The following OPTC variants were observed in gnomAD, a reference collection of about 807,000 sequenced individuals.
The protein encoded by OPTC is oculoglycan.
OPTC carries 22 observed loss-of-function variants against 25.4 expected under a neutral mutation model. That is an observed-to-expected ratio of 0.87 (90% CI 0.62 to 1.24). The LOEUF (loss-of-function observed/expected upper bound fraction) is 1.24. Among genes scored for constraint, OPTC ranks in the 50% most tolerant of loss-of-function variants. The pLI is 0.00. For synonymous variants in OPTC, 169 were observed against 179.3 expected (o/e 0.94, Z 0.46); for missense variants, 417 against 425.2 (o/e 0.98, Z 0.17).
intron 5 of OPTC, among the ~76,000 whole-genome samples, chr1:203,501,532 T>A (rs77405688): frequency 0.011 from 1,676 of 152,376 alleles, 18 homozygotes; most frequent in Non-Finnish European, 0.017. Context: ...TTCGCCCATG[T>A]GCTCTCTCTC....
rs1661430756 is a variant in OPTC, at chr1:203,503,723, C to T, written c.*3C>T. ...TCCCCATCGGCCGCTTCACGTAGCT[C>T]GGAGCCCTTCCACTCCTCCCAGGTA... On this transcript the variant is annotated 3_prime_UTR_variant, in exon 7 of 8. Coordinates refer to ENST00000367222, the MANE Select transcript of OPTC (RefSeq NM_014359.4). The T allele has an allele frequency of 5.0e-6, 8 of 1,603,476 alleles. No homozygotes were observed. Among genetic ancestry groups the T allele is most frequent in the East Asian group, 2.2e-5 (1 of 44,882 alleles).
rs1003777957 is a variant in OPTC at position 203,503,145 on chromosome 1, G to A, written c.828+136G>A. The A allele has an allele frequency of 1.5e-5, 11 of 725,508 alleles. No homozygotes were observed. The African/African-American group carries it at 1.6e-4, about 10-fold the overall frequency. The allele number at this position is 725,508 out of a possible 1,614,324, so 44.9% of individuals were successfully genotyped here. A position where few individuals can be genotyped will look rare whatever the true frequency, so the allele number is the denominator to read the frequency against. ...CTCCTTGATTGGAGGGTTTATTGGA[G>A]ACAAGGATTGGGAGGTCTTGTCTAA... On this transcript the variant is annotated intron_variant, in intron 6 of 7. Transcript: ENST00000367222.
At chr1:203,499,315 C>G (rs1661336130) in intron 4 of OPTC, among the ~76,000 whole-genome samples, 1 of 152,086 alleles carries the variant, frequency 6.6e-6, no homozygotes, top group African/African-American at 2.4e-5. Context: ...CCTCAGTGCC[C>G]TTTTGTTTAG....
intron 7 of OPTC, among the ~76,000 whole-genome samples, chr1:203,507,845 T>C (rs1204679226): frequency 6.6e-6 from 1 of 152,096 alleles, no homozygotes; most frequent in Non-Finnish European, 1.5e-5. Context: ...TGGAGCTAAG[T>C]CTGTTTTAGG....
intron 6 of OPTC, among the ~76,000 whole-genome samples, 170 bp from the exon 7 acceptor site, chr1:203,503,380 C>A (rs1661422736): frequency 6.6e-6 from 1 of 152,110 alleles, no homozygotes. Context: ...ATCCATCCCC[C>A]CTGGGGCTCC....
Position 203,503,590 on chromosome 1 carries a change from A to AC in OPTC, c.873dup (p.Glu292ArgfsTer104). ...ACCATGCAGAGAGACGTCTTCTGTGACCCCGAGGAGCACAAACACACCCGC... is the reference window on the plus strand; with the variant it reads ...ACCATGCAGAGAGACGTCTTCTGTGACCCCCGAGGAGCACAAACACACCCGC... On this transcript the variant is annotated frameshift_variant, in exon 7 of 8. Coordinates refer to ENST00000367222, the MANE Select transcript of OPTC (RefSeq NM_014359.4). LOFTEE classifies it high-confidence loss of function. 1.2e-6 allele frequency: 2 copies of AC among 1,613,422 alleles called. No homozygotes were observed. Among genetic ancestry groups the AC allele is most frequent in the Admixed American group, 3.3e-5 (2 of 59,986 alleles).
In OPTC at chr1:203,499,773, G is replaced by C; in HGVS notation, c.654G>C (p.Val218=). The C allele has an allele frequency of 6.2e-7, 1 of 1,612,818 alleles. No individual in the cohort carries two copies. The highest frequency in any genetic ancestry group is 1.1e-5 in the South Asian group (1 of 91,070). ...AGAACCAGTTGGAAGCTCTGCCCGT[G>C]CTGCCCAGTGGCATTGAGTTCCTGG... The part of the protein sequence containing the change: ...LPENQLEALP[V]LPSGIEFLDV... The change falls in exon 5 of 8, where the codon GTG becomes GTC. Residue 218 remains valine, a synonymous_variant. Coordinates refer to ENST00000367222, the MANE Select transcript of OPTC (RefSeq NM_014359.4).
intron 3 of OPTC, 32 bp from the exon 4 acceptor site, chr1:203,498,649 T>C: frequency 3.7e-6 from 6 of 1,613,896 alleles, no homozygotes; most frequent in Non-Finnish European, 5.1e-6. Flanking sequence ...GCTAAAGAGA[T>C]CTCCCTTTGT....
intron 7 of OPTC, among the ~76,000 whole-genome samples, chr1:203,504,562 C>T (rs1315522171): frequency 6.6e-6 from 1 of 152,210 alleles, no homozygotes; most frequent in Non-Finnish European, 1.5e-5. Context: ...CTACTTAAAC[C>T]AGCTCCCCCT....
chr1:203,495,859 C>T (rs551433062), intron 1 of OPTC, 106 bp from the exon 2 acceptor site: 45 of 686,698 alleles, frequency 6.6e-5, no homozygotes, highest in Non-Finnish European at 2.7e-5. Context: ...AGCACTGAGT[C>T]TGCAAGTGTG....
intron 7 of OPTC, among the ~76,000 whole-genome samples, chr1:203,506,606 A>G (rs925842776): frequency 7.9e-5 from 12 of 152,346 alleles, no homozygotes; most frequent in Admixed American, 7.2e-4. Flanking sequence ...ATTGTGGGAC[A>G]GGAGATCTAA....
chr1:203,501,321 G>A (rs891216622), intron 5 of OPTC, among the ~76,000 whole-genome samples: 1 of 152,118 alleles, frequency 6.6e-6, no homozygotes, highest in Admixed American at 6.5e-5. Flanking sequence ...GGCTGGTCTC[G>A]AACTCCTGAC....
chr1:203,499,968 C>T, intron 5 of OPTC, 117 bp downstream of exon 5: 3 of 818,894 alleles, frequency 3.7e-6, no homozygotes, highest in East Asian at 2.6e-5. Flanking sequence ...CCACCTCTAC[C>T]ACCCACCTCC....
intron 7 of OPTC, among the ~76,000 whole-genome samples, chr1:203,505,328 C>T (rs1016532057): frequency 3.3e-5 from 5 of 152,194 alleles, no homozygotes; most frequent in Admixed American, 6.5e-5. Context: ...GCTATGAATG[C>T]TTACAAGAGG....
chr1:203,503,460 G>A (rs745722918), intron 6 of OPTC, 90 bp from the exon 7 acceptor site: 48 of 1,308,922 alleles, frequency 3.7e-5, no homozygotes, highest in Middle Eastern at 1.8e-4. Context: ...AGAGCAGGCA[G>A]AGCTGGTAGG....
chr1:203,497,532 T>C (rs570006731), intron 3 of OPTC, among the ~76,000 whole-genome samples: 1 of 152,298 alleles, frequency 6.6e-6, no homozygotes, highest in African/African-American at 2.4e-5. Context: ...GTCACACTGC[T>C]TTTCAGCTTC....
intron 5 of OPTC, among the ~76,000 whole-genome samples, chr1:203,502,538 T>A (rs1322795499): frequency 3.9e-5 from 6 of 152,180 alleles, no homozygotes; most frequent in African/African-American, 1.4e-4. Context: ...AGACTTGTCA[T>A]TGGGGAAAGT....
At position 203,497,101 on chromosome 1, in the gene OPTC, C is replaced by G. The variant is rs199927981; in HGVS notation, c.356C>G (p.Ser119Cys). Residue 119 changes from serine (S) to cysteine (C), a missense_variant, in exon 3 of 8, where the codon TCC becomes TGC. Physicochemically the swap from Ser to Cys is moderately radical, Grantham distance 112. Coordinates refer to ENST00000367222, the MANE Select transcript of OPTC (RefSeq NM_014359.4). ...RPTTAGLLLS[S>C]QPNHGLPTCL... ...ACTACAGCAGGGCTGCTACTGAGTT[C>G]CCAGCCCAACCATGGTAAGTGCACA... 1 of 1,614,012 alleles carries G rather than the reference C, an allele frequency of 6.2e-7. No homozygotes were observed. The highest frequency in any genetic ancestry group is 1.3e-5 in the African/African-American group (1 of 75,004).
intron 5 of OPTC, among the ~76,000 whole-genome samples, chr1:203,502,478 TG>T (rs1661405851): frequency 1.3e-5 from 2 of 152,168 alleles, no homozygotes; most frequent in African/African-American, 2.4e-5. Context: ...AGACATTGAT[TG>T]GGAGGTCTTG....
Sources: allele counts gnomAD v4.1 joint callset (sites outside exome capture counted in the v4.1 genomes callset), GRCh38; gene constraint gnomAD v4.1.1; transcripts MANE v1.5; gene names NCBI Gene and HGNC (gene_info 2026-07-23, HGNC 2026-07-21).